MSMB: variants seen among roughly 807,000 people sequenced by gnomAD.
MSMB encodes beta-microseminoprotein.
In MSMB, 10 loss-of-function variants were observed where a neutral mutation model predicts 10.5. The ratio of observed to expected loss-of-function variants is 0.95; its 90% CI spans 0.59 to 1.62. The LOEUF (loss-of-function observed/expected upper bound fraction) is 1.62, where lower values mean the gene tolerates loss of function less well. Among genes scored for constraint, MSMB ranks in the 40% most tolerant of loss-of-function variants. The pLI is 0.00. For missense variants in MSMB, 126 were observed against 137.4 expected (o/e 0.92, Z 0.42); for synonymous variants, 43 against 46.5 (o/e 0.93, Z 0.30).
At position 46,037,954 on chromosome 10, in the gene MSMB, G is replaced by A. The variant is rs558962389; in HGVS notation, c.215+1012C>T. ...ATTCAGCCTCGAACAAGAAGGCAATGTTGATGCAAGCGTCAACACAGATGA... is the reference window on the plus strand; with the variant it reads ...ATTCAGCCTCGAACAAGAAGGCAATATTGATGCAAGCGTCAACACAGATGA... On this transcript the variant is annotated intron_variant, in intron 3 of 3. Transcript: ENST00000582163. Among the ~76,000 whole-genome samples, 8 of 152,328 alleles carry A rather than the reference G, an allele frequency of 5.3e-5. No homozygotes were observed. The East Asian group carries it at 1.5e-3, about 29-fold the overall frequency.
chr10:46,044,049 C>T (rs546028852), intron 1 of MSMB, among the ~76,000 whole-genome samples: 2 of 152,280 alleles, frequency 1.3e-5, no homozygotes, highest in Admixed American at 1.3e-4. Flanking sequence ...CCAGGTGATG[C>T]CCACGCTGCT....
chr10:46,039,653 G>C (rs543644734), intron 2 of MSMB, among the ~76,000 whole-genome samples: 1 of 152,232 alleles, frequency 6.6e-6, no homozygotes, highest in African/African-American at 2.4e-5. Context: ...AGGCTGTGGC[G>C]GGCAGATGAC....
At chr10:46,038,781 G>A (rs1385004667) in intron 3 of MSMB, among the ~76,000 whole-genome samples, 185 bp downstream of exon 3, 3 of 152,134 alleles carry the variant, frequency 2.0e-5, no homozygotes, top group Admixed American at 6.5e-5. Flanking sequence ...GAGGGCAGGA[G>A]GCACATGGGA....
intron 3 of MSMB, among the ~76,000 whole-genome samples, chr10:46,038,600 AAAAG>A (rs1342428799): frequency 1.3e-5 from 2 of 151,984 alleles, no homozygotes; most frequent in African/African-American, 4.8e-5. Context: ...CAATTTTTTA[AAAAG>A]AAAGAAATAG....
At position 46,040,744 on chromosome 10, in the gene MSMB, GGA is replaced by G. The variant is rs1299462851; in HGVS notation, c.4-655_4-654del. On this transcript the variant is annotated intron_variant, in intron 1 of 3. Transcript: ENST00000582163. ...CCAAGGCGGGTGGATCATGAGGTCA[GGA>G]GATCGAGACCATCCTGGCTAACACG... Among the ~76,000 whole-genome samples, 6 of 152,184 alleles carry G rather than the reference GGA, an allele frequency of 3.9e-5. No individual in the cohort carries two copies. The East Asian group carries it at 7.8e-4, about 20-fold the overall frequency.
At chr10:46,036,750 C>T in intron 3 of MSMB, among the ~76,000 whole-genome samples, 1 of 152,282 alleles carries the variant, frequency 6.6e-6, no homozygotes, top group South Asian at 2.1e-4. Flanking sequence ...CACACCAGGA[C>T]CACGAGAATC....
chr10:46,035,125 A>C (rs1365915274), intron 3 of MSMB, among the ~76,000 whole-genome samples: 1 of 152,240 alleles, frequency 6.6e-6, no homozygotes, highest in Non-Finnish European at 1.5e-5. Flanking sequence ...AAAATTGGGA[A>C]ATATCATTTA....
At chr10:46,035,044 A>G (rs1840570165) in intron 3 of MSMB, among the ~76,000 whole-genome samples, 1 of 152,174 alleles carries the variant, frequency 6.6e-6, no homozygotes, top group Non-Finnish European at 1.5e-5. Flanking sequence ...CACAGTTGGG[A>G]TTATGAGTAG....
intron 1 of MSMB, among the ~76,000 whole-genome samples, chr10:46,043,632 A>C (rs782058488): frequency 5.3e-5 from 8 of 152,094 alleles, no homozygotes; most frequent in African/African-American, 1.7e-4. Context: ...TTTAATGTGC[A>C]TATAAATTCC....
At chr10:46,035,449 A>C (rs73318197) in intron 3 of MSMB, among the ~76,000 whole-genome samples, 1 of 152,208 alleles carries the variant, frequency 6.6e-6, no homozygotes, top group African/African-American at 2.4e-5. Flanking sequence ...TGGTATGACC[A>C]TGCCATGGAA....
chr10:46,036,300 A>G (rs1840602643), intron 3 of MSMB, among the ~76,000 whole-genome samples: 1 of 152,216 alleles, frequency 6.6e-6, no homozygotes, highest in South Asian at 2.1e-4. Context: ...AAGCTTAATC[A>G]AAGTCTGTAT....
chr10:46,038,814 T>C, intron 3 of MSMB, 152 bp downstream of exon 3: 2 of 644,306 alleles, frequency 3.1e-6, no homozygotes, highest in Non-Finnish European at 2.7e-6. Context: ...TCTGCTCAGT[T>C]TTGCTGTGAA....
At chr10:46,037,217 C>G (rs1478433200) in intron 3 of MSMB, among the ~76,000 whole-genome samples, 2 of 152,222 alleles carry the variant, frequency 1.3e-5, no homozygotes, top group African/African-American at 4.8e-5. Flanking sequence ...TGTTAAAATT[C>G]AGATTCCTTG....
At chr10:46,038,546 C>G (rs553294032) in intron 3 of MSMB, among the ~76,000 whole-genome samples, 112 of 152,226 alleles carry the variant, frequency 7.4e-4, no homozygotes, top group Non-Finnish European at 1.4e-3. Context: ...CTTCGGCCCC[C>G]CAAAATGCTG....
chr10:46,044,798 C>A (rs1554929218), intron 1 of MSMB, among the ~76,000 whole-genome samples: 1 of 150,992 alleles, frequency 6.6e-6, no homozygotes, highest in African/African-American at 2.4e-5. Context: ...CTACAAATAA[C>A]AATAATAAAA....
At chr10:46,045,273 A>T (rs565309914) in intron 1 of MSMB, among the ~76,000 whole-genome samples, 17 of 152,226 alleles carry the variant, frequency 1.1e-4, no homozygotes, top group African/African-American at 3.6e-4. Flanking sequence ...GGTTCACACC[A>T]GTAATCCCAC....
chr10:46,037,135 C>T (rs1840626950), intron 3 of MSMB, among the ~76,000 whole-genome samples: 3 of 152,200 alleles, frequency 2.0e-5, no homozygotes, highest in Admixed American at 2.0e-4. Context: ...TTCAGTAGGA[C>T]TCAGGTGTTC....
chr10:46,039,441 C>G (rs952981237), intron 2 of MSMB, among the ~76,000 whole-genome samples: 6 of 152,214 alleles, frequency 3.9e-5, no homozygotes, highest in Non-Finnish European at 5.9e-5. Context: ...CTACACTTCC[C>G]TTTGCTTTGC....
chr10:46,037,866 C>A (rs868985662), intron 3 of MSMB, among the ~76,000 whole-genome samples: 5 of 152,138 alleles, frequency 3.3e-5, no homozygotes, highest in African/African-American at 1.2e-4. Flanking sequence ...GGAAAACAAC[C>A]CAAGTGTTCA....
Sources: gnomAD v4.1 joint callset for allele counts (sites outside exome capture counted in the v4.1 genomes callset) on GRCh38, gnomAD v4.1.1 for gene constraint, MANE v1.5 for transcripts, NCBI Gene and HGNC (gene_info 2026-07-23, HGNC 2026-07-21) for gene names.